The following PCDHA13 variants were observed in gnomAD, a reference collection of about 807,000 sequenced individuals.
PCDHA13 encodes the protein protocadherin alpha-13.
PCDHA13 carries 54 observed loss-of-function variants against 64.8 expected under a neutral mutation model. The ratio of observed to expected loss-of-function variants is 0.83; its 90% confidence interval spans 0.67 to 1.04. The LOEUF (loss-of-function observed/expected upper bound fraction) is 1.04. Ranked by LOEUF, PCDHA13 falls within the 50% of genes least tolerant of loss-of-function variation. The probability of loss-of-function intolerance (pLI) is 0.00; values close to 1 mark genes in which losing one functional copy is unlikely to be tolerated. For synonymous variants in PCDHA13, 587 were observed against 564.4 expected, an observed-to-expected ratio of 1.04 and a Z score of -0.57; for missense variants, 1,248 against 1,254.3, an observed-to-expected ratio of 0.99 and a Z score of 0.08.
At chr5:140,991,985 A>G (rs114196704) in intron 3 of PCDHA13, among the ~76,000 whole-genome samples, 1,827 of 150,246 alleles carry the variant, frequency 0.012, 17 homozygotes, top group Non-Finnish European at 0.019. Context: ...TCTGCCTACC[A>G]CCCGGTCTTT....
In PCDHA13 at chr5:140,968,189, T is replaced by G. The variant is rs181004208; in HGVS notation, c.2395-10760T>G. The G allele has an allele frequency of 2.2e-5, 35 of 1,614,034 alleles. No individual in the cohort carries two copies. The Admixed American group carries it at 4.2e-4, about 19-fold the overall frequency. On this transcript the variant is annotated intron_variant, in intron 1 of 3. Coordinates refer to ENST00000289272, the MANE Select transcript of PCDHA13 (RefSeq NM_018904.3). ...ACCAAGCTTCCTGGAGGACTCCTAT[T>G]CCATCTACATACAGGAGAACAATTT... is the stretch of plus-strand genomic sequence containing the variant.
chr5:141,001,489 T>C (rs2098020927), intron 3 of PCDHA13, among the ~76,000 whole-genome samples: 3 of 152,236 alleles, frequency 2.0e-5, no homozygotes. Context: ...GTGCTGGAAA[T>C]GCTAGCCCAG....
At chr5:141,005,548 A>G (rs970223535) in intron 3 of PCDHA13, among the ~76,000 whole-genome samples, 2 of 151,322 alleles carry the variant, frequency 1.3e-5, no homozygotes, top group African/African-American at 4.9e-5. Flanking sequence ...CTAAAAATAC[A>G]AAAATTAGCC....
At chr5:140,982,030 C>G (rs2096963361) in intron 2 of PCDHA13, among the ~76,000 whole-genome samples, 1 of 152,196 alleles carries the variant, frequency 6.6e-6, no homozygotes, top group South Asian at 2.1e-4. Flanking sequence ...TGGAACAATA[C>G]TCCAATTATC....
In PCDHA13 at chr5:140,884,059, G is replaced by A; in HGVS notation, c.1791G>A (p.Val597=). ...AGHVVAKVRA[V]DADSGYNAWL... ...ACGTGGTGGCGAAGGTGCGCGCGGT[G>A]GACGCCGATTCGGGCTACAATGCGT... The change falls in exon 1 of 4, where the codon GTG becomes GTA. Residue 597 remains valine (V), a synonymous_variant. Transcript: ENST00000289272. 4 of 1,613,546 alleles carry A rather than the reference G, an allele frequency of 2.5e-6. No homozygotes were observed. The highest frequency in any genetic ancestry group is 3.4e-6 in the Non-Finnish European group (4 of 1,179,762).
chr5:140,981,232 T>G (rs768766953), intron 2 of PCDHA13, among the ~76,000 whole-genome samples: 32 of 152,216 alleles, frequency 2.1e-4, no homozygotes, highest in Non-Finnish European at 4.3e-4. Context: ...GTAGTCTAAA[T>G]TTTATTTTAG....
In PCDHA13 at chr5:141,012,190, T is replaced by C. The variant is rs1002658582; in HGVS notation, c.*2253T>C. On this transcript the variant is annotated 3_prime_UTR_variant, in exon 4 of 4. Transcript: ENST00000289272. ...TTAATGATGATAATTATAATGTATCTGTACAGCACTTTTTACATTTGCGAA... is the reference window on the plus strand; with the variant it reads ...TTAATGATGATAATTATAATGTATCCGTACAGCACTTTTTACATTTGCGAA... The C allele has an allele frequency of 2.0e-5, 3 of 153,780 alleles. No homozygotes were observed. Among genetic ancestry groups the C allele is most frequent in the African/African-American group, 7.2e-5 (3 of 41,458 alleles). 9.5% of individuals were successfully genotyped at this position (153,780 alleles called of 1,614,324 possible).
At chr5:140,968,817 T>C in intron 1 of PCDHA13, 2 of 1,614,110 alleles carry the variant, frequency 1.2e-6, no homozygotes, top group Middle Eastern at 3.3e-4. Flanking sequence ...GTGGATAGGG[T>C]TTCCAAAATC....
chr5:140,896,718 T>C (rs1331880145), intron 1 of PCDHA13, among the ~76,000 whole-genome samples: 1 of 152,138 alleles, frequency 6.6e-6, no homozygotes, highest in East Asian at 1.9e-4. Context: ...TTTTGCTTGT[T>C]AATTTGTTTA....
chr5:140,944,209 A>T (rs1003348568), intron 1 of PCDHA13, among the ~76,000 whole-genome samples: 5 of 152,298 alleles, frequency 3.3e-5, no homozygotes, highest in Non-Finnish European at 5.9e-5. Flanking sequence ...TTGTTTTTAA[A>T]GAGGGTTTTA....
At position 140,960,518 on chromosome 5, in the gene PCDHA13, G is replaced by A. The variant is rs555475003; in HGVS notation, c.2395-18431G>A. Among the ~76,000 whole-genome samples the A allele has an allele frequency of 2.6e-5, 4 of 152,176 alleles. No homozygotes were observed. The East Asian group carries it at 7.7e-4, about 29-fold the overall frequency. ...TTTGTTCCAAGCAGCAAACATAATG[G>A]GTATAGGAAAGAGAAACTGTGGCCT... On this transcript the variant is annotated intron_variant, in intron 1 of 3. Coordinates refer to ENST00000289272, the MANE Select transcript of PCDHA13 (RefSeq NM_018904.3).
chr5:141,002,049 A>G (rs1288460436), intron 3 of PCDHA13, among the ~76,000 whole-genome samples: 1 of 152,228 alleles, frequency 6.6e-6, no homozygotes, highest in Non-Finnish European at 1.5e-5. Flanking sequence ...CTGGGCATCC[A>G]GAGGCAGCAG....
chr5:140,969,046 C>A, intron 1 of PCDHA13: 5 of 1,614,074 alleles, frequency 3.1e-6, no homozygotes, highest in Non-Finnish European at 4.2e-6. Flanking sequence ...ACAAACAAGC[C>A]AACAACAATA....
At chr5:140,945,091 TAAAC>T (rs1467444609) in intron 1 of PCDHA13, among the ~76,000 whole-genome samples, 2 of 152,110 alleles carry the variant, frequency 1.3e-5, no homozygotes, top group African/African-American at 2.4e-5. Context: ...TTGGAACTAA[TAAAC>T]AAAATAAAGT....
rs782133089 is a variant in PCDHA13, at chr5:140,924,894, C to CA, written c.2394+40243dup. Among the ~76,000 whole-genome samples, 369 of 71,492 alleles carry CA rather than the reference C, an allele frequency of 5.2e-3. 5 individuals carry two copies. The South Asian group carries it at 0.07, about 14-fold the overall frequency. 46.9% of individuals were successfully genotyped at this position (71,492 alleles called of 152,430 possible). ...TGGGTGACAGAGCAAGAACCTGTCT[C>CA]AAAAAAAAAAATAAAATAAAATAAA... is the stretch of plus-strand genomic sequence containing the variant. On this transcript the variant is annotated intron_variant, in intron 1 of 3. Coordinates refer to ENST00000289272, the MANE Select transcript of PCDHA13 (RefSeq NM_018904.3).
chr5:140,982,507 G>T lies in PCDHA13; in HGVS notation c.2486G>T (p.Arg829Leu). Reference sequence around the variant, plus strand: ...CACCTAGAGGAGGCTGGCATTCTACGGGCTGGTCCAGGAGGGCCTGATCAG... The same window carrying T: ...CACCTAGAGGAGGCTGGCATTCTACTGGCTGGTCCAGGAGGGCCTGATCAG... The part of the protein sequence containing the change: ...SVHLEEAGIL[R>L]AGPGGPDQQW... The change falls in exon 3 of 4, where the codon CGG becomes CTG. Residue 829 changes from arginine to leucine, a missense_variant. Physicochemically the swap from Arg to Leu is moderately radical, Grantham distance 102. Coordinates refer to ENST00000289272, the MANE Select transcript of PCDHA13 (RefSeq NM_018904.3). 6.2e-7 allele frequency: 1 copy of T among 1,614,138 alleles called. No homozygotes were observed. Among genetic ancestry groups the T allele is most frequent in the Non-Finnish European group, 8.5e-7 (1 of 1,180,018 alleles).
At chr5:140,967,468 C>T (rs155807) in intron 1 of PCDHA13, 541,339 of 1,613,022 alleles carry the variant, frequency 0.34, 92,423 homozygotes, top group East Asian at 0.5. Context: ...ATGGGGGCAT[C>T]CCAGCCCGCT....
chr5:140,969,068 A>C (rs2096293164), intron 1 of PCDHA13: 2 of 1,614,046 alleles, frequency 1.2e-6, no homozygotes, highest in South Asian at 2.2e-5. Flanking sequence ...TGATGCCAGG[A>C]TACCGCATGG....
chr5:140,945,430 T>C (rs1389561787), intron 1 of PCDHA13, among the ~76,000 whole-genome samples: 2 of 152,082 alleles, frequency 1.3e-5, no homozygotes, highest in African/African-American at 4.8e-5. Flanking sequence ...ATGAAGTTTT[T>C]ACAGAAATAT....
Sources: gnomAD v4.1 joint callset for allele counts (sites outside exome capture counted in the v4.1 genomes callset) on GRCh38, gnomAD v4.1.1 for gene constraint, MANE v1.5 for transcripts, NCBI Gene and HGNC (gene_info 2026-07-23, HGNC 2026-07-21) for gene names.